PTPRT: variants seen among roughly 807,000 people sequenced by gnomAD.
The protein encoded by PTPRT is receptor-type tyrosine-protein phosphatase T.
A neutral mutation model predicts 176.8 loss-of-function variants in PTPRT; 56 were observed. The ratio of observed to expected loss-of-function variants is 0.32; its 90% CI spans 0.26 to 0.40. The LOEUF (loss-of-function observed/expected upper bound fraction) is 0.40. Ranked by LOEUF, PTPRT falls within the 10% of genes least tolerant of loss-of-function variation. The pLI, the probability that PTPRT is intolerant of heterozygous loss-of-function variation, is 1.00. For missense variants in PTPRT, 1,540 were observed against 1,908.2 expected, an observed-to-expected ratio of 0.81 and a Z score of 3.60; for synonymous variants, 783 against 739.0, an observed-to-expected ratio of 1.06 and a Z score of -0.96.
intron 7 of PTPRT, among the ~76,000 whole-genome samples, chr20:42,613,821 A>G (rs1012628871): frequency 3.3e-5 from 5 of 151,918 alleles, no homozygotes; most frequent in African/African-American, 1.2e-4. Flanking sequence ...CACCTTGAAT[A>G]TTTCTTGAGC....
At chr20:42,938,734 C>T (rs1289429528) in intron 1 of PTPRT, among the ~76,000 whole-genome samples, 1 of 152,134 alleles carries the variant, frequency 6.6e-6, no homozygotes, top group Non-Finnish European at 1.5e-5. Context: ...AGGAGTTATG[C>T]ATGTTTTTGG....
intron 7 of PTPRT, among the ~76,000 whole-genome samples, chr20:42,529,847 GAAAAAAAAAA>G (rs140817588): frequency 2.8e-5 from 3 of 108,500 alleles, no homozygotes; most frequent in Admixed American, 2.0e-4. Flanking sequence ...CTTGTTAGAG[GAAAAAAAAAA>G]AAAAAAAAGA....
intron 7 of PTPRT, among the ~76,000 whole-genome samples, chr20:42,521,539 C>T (rs536646274): frequency 2.0e-5 from 3 of 152,128 alleles, no homozygotes; most frequent in Non-Finnish European, 4.4e-5. Context: ...GAGCATATAG[C>T]CATTCAATAC....
At chr20:42,157,623 TTC>T (rs1568977599) in intron 17 of PTPRT, among the ~76,000 whole-genome samples, 1 of 150,476 alleles carries the variant, frequency 6.6e-6, no homozygotes, top group African/African-American at 2.4e-5. Flanking sequence ...TGGGATTTTC[TTC>T]CCCCCCCAAT....
At chr20:42,033,267 G>A in the PTPRT span, among the ~76,000 whole-genome samples, 21 of 152,266 alleles carry the variant, frequency 1.4e-4, no homozygotes, top group African/African-American at 4.6e-4. Flanking sequence ...CTATAAATTC[G>A]GCAACATTCA....
chr20:42,355,205 G>A (rs548966041), intron 9 of PTPRT, among the ~76,000 whole-genome samples: 8 of 152,266 alleles, frequency 5.3e-5, no homozygotes, highest in African/African-American at 1.7e-4. Flanking sequence ...ACCCCTGCAA[G>A]CTCCCCCTCC....
chr20:42,090,372 T>C (rs1984484098), intron 27 of PTPRT, among the ~76,000 whole-genome samples: 1 of 150,922 alleles, frequency 6.6e-6, no homozygotes, highest in Admixed American at 6.7e-5. Context: ...AGATATGGGA[T>C]ACTGCATGTC....
At chr20:42,448,085 T>C (rs1489251585) in intron 9 of PTPRT, 135 bp downstream of exon 9, 1 of 719,394 alleles carries the variant, frequency 1.4e-6, no homozygotes, top group African/African-American at 1.7e-5. Context: ...CACCCCATTG[T>C]ACTGTCAGAA....
chr20:42,598,276 C>T (rs374063648), intron 7 of PTPRT, among the ~76,000 whole-genome samples: 1 of 152,118 alleles, frequency 6.6e-6, no homozygotes, highest in Non-Finnish European at 1.5e-5. Flanking sequence ...AAATAACATA[C>T]AGCTATTAGC....
chr20:42,181,251 A>G (rs1027488735), intron 16 of PTPRT, among the ~76,000 whole-genome samples: 3 of 152,192 alleles, frequency 2.0e-5, no homozygotes, highest in Non-Finnish European at 4.4e-5. Context: ...GTAAAAGGCT[A>G]GAAGCCTAGA....
intron 23 of PTPRT, among the ~76,000 whole-genome samples, chr20:42,110,049 C>CTTT (rs747975893): frequency 2.8e-4 from 39 of 139,704 alleles, no homozygotes; most frequent in East Asian, 1.3e-3. Flanking sequence ...AGGACTTTTT[C>CTTT]TTTTTTTTTT....
chr20:42,405,151 T>C (rs1406046703), intron 9 of PTPRT, among the ~76,000 whole-genome samples: 2 of 151,404 alleles, frequency 1.3e-5, no homozygotes, highest in Non-Finnish European at 2.9e-5. Context: ...TCATCATACA[T>C]TCTGTTATAC....
intron 8 of PTPRT, among the ~76,000 whole-genome samples, chr20:42,458,218 T>C (rs540369848): frequency 3.5e-4 from 54 of 152,302 alleles, no homozygotes; most frequent in African/African-American, 1.3e-3. Flanking sequence ...GGTGTTTTTC[T>C]CTATATTTCT....
intron 7 of PTPRT, among the ~76,000 whole-genome samples, chr20:42,559,361 G>A (rs139168106): frequency 6.6e-5 from 10 of 152,230 alleles, no homozygotes; most frequent in Admixed American, 2.6e-4. Context: ...GAAGCTTCTC[G>A]TCTTAGCAAC....
rs546808364 is a variant in PTPRT, at chr20:42,249,161, G to A, written c.2177-339C>T. On this transcript the variant is annotated intron_variant, in intron 13 of 30. Transcript: ENST00000373187. ...TTCTCTCATATTGCTTTGTCTCTAG[G>A]ATCAAACCATGGAACACTGGGAATT... Among the ~76,000 whole-genome samples, 3 of 152,196 alleles carry A rather than the reference G, an allele frequency of 2.0e-5. No individual in the cohort carries two copies. In the South Asian group the frequency reaches 6.2e-4, roughly 32 times the overall value.
intron 1 of PTPRT, among the ~76,000 whole-genome samples, chr20:42,890,810 C>A (rs1329850615): frequency 1.3e-5 from 2 of 152,216 alleles, no homozygotes; most frequent in Non-Finnish European, 2.9e-5. Flanking sequence ...CCACTCAAAT[C>A]TCATCCTGAA....
intron 1 of PTPRT, among the ~76,000 whole-genome samples, chr20:43,009,131 C>T (rs1984998171): frequency 6.6e-6 from 1 of 152,182 alleles, no homozygotes; most frequent in African/African-American, 2.4e-5. Context: ...TGTGAGTCTA[C>T]TTCAAGGTCA....
intron 9 of PTPRT, among the ~76,000 whole-genome samples, chr20:42,375,269 C>T (rs1181413999): frequency 6.6e-6 from 1 of 152,194 alleles, no homozygotes; most frequent in African/African-American, 2.4e-5. Flanking sequence ...GAGTGAGACA[C>T]AGTCTCTGCC....
intron 19 of PTPRT, among the ~76,000 whole-genome samples, chr20:42,128,411 T>C (rs939976125): frequency 1.1e-4 from 16 of 152,262 alleles, no homozygotes; most frequent in African/African-American, 3.9e-4. Context: ...TAGCATCTAG[T>C]ATACATTTTA....
Sources: allele counts gnomAD v4.1 joint callset (sites outside exome capture counted in the v4.1 genomes callset), GRCh38; gene constraint gnomAD v4.1.1; transcripts MANE v1.5; gene names NCBI Gene and HGNC (gene_info 2026-07-23, HGNC 2026-07-21).